Variants in NBAS observed in about 807,000 individuals in gnomAD.
NBAS encodes NAG/BC035112 fusion.
A neutral mutation model predicts 302.5 loss-of-function variants in NBAS; 219 were observed. That is an observed-to-expected ratio of 0.72 (90% CI 0.65 to 0.81). The LOEUF (loss-of-function observed/expected upper bound fraction) is 0.81. NBAS is among the 30% of genes least tolerant of loss of function. The pLI, the probability that NBAS is intolerant of heterozygous loss-of-function variation, is 0.00. For synonymous variants in NBAS, 1,118 were observed against 1,021.6 expected, an observed-to-expected ratio of 1.09 and a Z score of -1.80; for missense variants, 2,932 against 2,841.6, an observed-to-expected ratio of 1.03 and a Z score of -0.72.
chr2:15,358,069 C>A (rs113723875), intron 32 of NBAS, among the ~76,000 whole-genome samples: 1 of 152,038 alleles, frequency 6.6e-6, no homozygotes, highest in Non-Finnish European at 1.5e-5. Flanking sequence ...AATGGATCTG[C>A]GGCCTGTTGC....
the NBAS span, among the ~76,000 whole-genome samples, chr2:14,782,252 A>G: frequency 6.6e-6 from 1 of 152,104 alleles, no homozygotes; most frequent in African/African-American, 2.4e-5. Flanking sequence ...ATTAATTAGA[A>G]CTTGTTCTTA....
At chr2:14,931,856 C>T in the NBAS span, among the ~76,000 whole-genome samples, 13,134 of 152,092 alleles carry the variant, frequency 0.086, 639 homozygotes, top group African/African-American at 0.11. Flanking sequence ...GGATACAATC[C>T]GTATTTACTA....
the NBAS span, among the ~76,000 whole-genome samples, chr2:14,861,532 A>C: frequency 6.6e-6 from 1 of 152,194 alleles, no homozygotes; most frequent in African/African-American, 2.4e-5. Flanking sequence ...TTCTTGAAAA[A>C]CACAGACTTT....
At chr2:15,439,353 T>A (rs1283070904) in intron 21 of NBAS, among the ~76,000 whole-genome samples, 18 of 148,060 alleles carry the variant, frequency 1.2e-4, no homozygotes, top group Non-Finnish European at 2.1e-4. Flanking sequence ...GTGAGCAAAA[T>A]TAGCCTTAGA....
the NBAS span, among the ~76,000 whole-genome samples, chr2:14,788,103 G>T: frequency 6.6e-6 from 1 of 152,078 alleles, no homozygotes; most frequent in Non-Finnish European, 1.5e-5. Flanking sequence ...CTTTCTTCCA[G>T]TTGATCGCAT....
chr2:15,021,167 A>T, the NBAS span, among the ~76,000 whole-genome samples: 1 of 152,100 alleles, frequency 6.6e-6, no homozygotes, highest in African/African-American at 2.4e-5. Context: ...TGAGAGGTGG[A>T]AGTTGCAGTG....
chr2:15,247,984 A>G (rs1237539412), intron 44 of NBAS, among the ~76,000 whole-genome samples: 1 of 152,140 alleles, frequency 6.6e-6, no homozygotes, highest in African/African-American at 2.4e-5. Context: ...CTCCACCCCA[A>G]ATCAACAGAA....
At chr2:15,119,303 CTTTTTTTTTTTT>C in the NBAS span, among the ~76,000 whole-genome samples, 1 of 107,768 alleles carries the variant, frequency 9.3e-6, no homozygotes. Context: ...GAAATCCTTT[CTTTTTTTTTTTT>C]TTTTTTTTTT....
intron 35 of NBAS, among the ~76,000 whole-genome samples, chr2:15,335,916 C>T (rs1043580495): frequency 6.6e-6 from 1 of 151,336 alleles, no homozygotes; most frequent in African/African-American, 2.5e-5. Context: ...CAAAGCAAGA[C>T]TCCCATCTCC....
At chr2:14,906,927 C>T in the NBAS span, among the ~76,000 whole-genome samples, 2 of 152,116 alleles carry the variant, frequency 1.3e-5, no homozygotes, top group African/African-American at 4.8e-5. Flanking sequence ...GCTTCCTGTC[C>T]TCTCTCCCCC....
intron 40 of NBAS, among the ~76,000 whole-genome samples, chr2:15,293,651 G>GAAAAA (rs5829496): frequency 6.7e-6 from 1 of 149,542 alleles, no homozygotes; most frequent in African/African-American, 2.4e-5. Flanking sequence ...GCAAATTAGA[G>GAAAAA]AAAAAAAAAA....
At chr2:15,511,475 T>C in intron 9 of NBAS, 125 bp from the exon 10 acceptor site, 1 of 825,340 alleles carries the variant, frequency 1.2e-6, no homozygotes, top group South Asian at 1.7e-5. Flanking sequence ...ATGTTAAACC[T>C]AGAAGGTAAA....
chr2:15,024,804 T>C, the NBAS span, among the ~76,000 whole-genome samples: 8 of 152,232 alleles, frequency 5.3e-5, no homozygotes, highest in South Asian at 1.7e-3. Flanking sequence ...GCCCACTTTG[T>C]AATGGGCAAT....
intron 38 of NBAS, among the ~76,000 whole-genome samples, chr2:15,318,824 A>C (rs751280103): frequency 2.6e-5 from 4 of 152,186 alleles, no homozygotes; most frequent in Non-Finnish European, 5.9e-5. Context: ...CCCACTGTCA[A>C]TATTAGACAG....
chr2:14,819,127 C>A, the NBAS span, among the ~76,000 whole-genome samples: 1 of 152,186 alleles, frequency 6.6e-6, no homozygotes, highest in Non-Finnish European at 1.5e-5. Flanking sequence ...TCCCACTAGA[C>A]CTTGTGCTCC....
the NBAS span, among the ~76,000 whole-genome samples, chr2:14,786,217 T>C: frequency 0.046 from 6,958 of 152,224 alleles, 506 homozygotes; most frequent in African/African-American, 0.16. Flanking sequence ...TCTCTTTTCT[T>C]CTTTATTAGT....
chr2:15,561,140 G>A, intron 1 of NBAS, 48 bp downstream of exon 1: 1 of 1,377,166 alleles, frequency 7.3e-7, no homozygotes, highest in Non-Finnish European at 9.8e-7. Context: ...CTCTACCCAC[G>A]AAGCGCCCGC....
At position 15,327,731 on chromosome 2, in the gene NBAS, C is replaced by T; in HGVS notation, c.4582+19G>A. On this transcript the variant is annotated intron_variant, in intron 38 of 51. Transcript: ENST00000281513. Reference sequence around the variant, plus strand: ...CCTAGAGTTACACACTGTCAAGGGACTAGAACCTTCTCTCTTACCTTCAGT... The same window carrying T: ...CCTAGAGTTACACACTGTCAAGGGATTAGAACCTTCTCTCTTACCTTCAGT... The T allele has an allele frequency of 6.2e-7, 1 of 1,613,402 alleles. No individual in the cohort carries two copies. Among genetic ancestry groups the T allele is most frequent in the Admixed American group, 1.7e-5 (1 of 60,012 alleles).
At chr2:14,973,511 C>T in the NBAS span, among the ~76,000 whole-genome samples, 339 of 152,232 alleles carry the variant, frequency 2.2e-3, no homozygotes, top group African/African-American at 7.9e-3. Flanking sequence ...AAGCAGCCAA[C>T]AGAAAAACAG....
Sources: gnomAD v4.1 joint callset for allele counts (sites outside exome capture counted in the v4.1 genomes callset) on GRCh38, gnomAD v4.1.1 for gene constraint, MANE v1.5 for transcripts, NCBI Gene and HGNC (gene_info 2026-07-23, HGNC 2026-07-21) for gene names.